Variants in CACHD1 observed in about 807,000 individuals in gnomAD.
CACHD1 encodes the protein cache domain containing 1.
Under a neutral mutation model 138.7 loss-of-function variants are expected in CACHD1, and 71 were observed. The observed-to-expected ratio is 0.51, with a 90% CI of 0.42 to 0.62. The LOEUF (loss-of-function observed/expected upper bound fraction) is 0.62, where lower values mean the gene tolerates loss of function less well. Among genes scored for constraint, CACHD1 ranks in the 20% least tolerant of loss-of-function variants. CACHD1 has a pLI of 0.00. For synonymous variants in CACHD1, 578 were observed against 591.5 expected, an observed-to-expected ratio of 0.98 and a Z score of 0.33; for missense variants, 1,389 against 1,625.3, an observed-to-expected ratio of 0.85 and a Z score of 2.50.
intron 1 of CACHD1, among the ~76,000 whole-genome samples, chr1:64,507,316 A>G (rs1446500362): frequency 6.6e-6 from 1 of 152,076 alleles, no homozygotes; most frequent in Non-Finnish European, 1.5e-5. Flanking sequence ...TGCCTGCCCC[A>G]CTATGTTATA....
At chr1:64,606,329 T>A (rs1332524540) in intron 4 of CACHD1, among the ~76,000 whole-genome samples, 1 of 151,938 alleles carries the variant, frequency 6.6e-6, no homozygotes, top group Admixed American at 6.6e-5. Context: ...TCTGAGTAAG[T>A]GGGATTGTAG....
chr1:64,637,479 C>T (rs964312447), intron 7 of CACHD1, among the ~76,000 whole-genome samples: 3 of 152,150 alleles, frequency 2.0e-5, no homozygotes, highest in Admixed American at 6.5e-5. Flanking sequence ...GACATTTGTT[C>T]CAGCTTTAAA....
intron 4 of CACHD1, among the ~76,000 whole-genome samples, chr1:64,619,380 T>C (rs1647827793): frequency 6.6e-6 from 1 of 152,172 alleles, no homozygotes; most frequent in African/African-American, 2.4e-5. Flanking sequence ...ATTACAAAAT[T>C]GTGGGGGTTT....
rs191511387 is a variant in CACHD1 at position 64,476,500 on chromosome 1, A to G, written c.198+5558A>G. 5.9e-5 allele frequency among the ~76,000 whole-genome samples: 9 copies of G among 152,372 alleles called. No homozygotes were observed. The East Asian group carries it at 1.7e-3, about 29-fold the overall frequency. ...GAAAAATCACCTGTATATGCAAATA[A>G]TGTGATTTGATTCTACGCCTTGTGT... On this transcript the variant is annotated intron_variant, in intron 1 of 26. Transcript: ENST00000651257.
intron 10 of CACHD1, among the ~76,000 whole-genome samples, 165 bp from the exon 11 acceptor site, chr1:64,653,593 G>A (rs570568825): frequency 2.0e-5 from 3 of 152,234 alleles, no homozygotes; most frequent in African/African-American, 7.2e-5. Flanking sequence ...AGAGTTTTAT[G>A]TAAGCACATA....
chr1:64,558,849 C>A (rs891900807), intron 2 of CACHD1, among the ~76,000 whole-genome samples: 1 of 152,194 alleles, frequency 6.6e-6, no homozygotes, highest in Non-Finnish European at 1.5e-5. Flanking sequence ...TGAACAGACA[C>A]TTCTCAAAAG....
chr1:64,650,320 T>G lies in CACHD1; in HGVS notation c.1391-1841T>G, dbSNP rs544637952. Among the ~76,000 whole-genome samples the G allele has an allele frequency of 2.0e-5, 3 of 152,324 alleles. No homozygotes were observed. In the South Asian group the frequency reaches 6.2e-4, roughly 32 times the overall value. On this transcript the variant is annotated intron_variant, in intron 9 of 26. Transcript: ENST00000651257. Reference sequence around the variant, plus strand: ...TGATCTATGAAAATGGCTTTAATCCTAGACTAAAGCTCAGGGGACTGTGGT... The same window carrying G: ...TGATCTATGAAAATGGCTTTAATCCGAGACTAAAGCTCAGGGGACTGTGGT...
intron 5 of CACHD1, among the ~76,000 whole-genome samples, chr1:64,630,786 T>C (rs2100637144): frequency 6.6e-6 from 1 of 152,318 alleles, no homozygotes; most frequent in Non-Finnish European, 1.5e-5. Context: ...ACGAAGCACC[T>C]GTGAAGAAAA....
intron 1 of CACHD1, among the ~76,000 whole-genome samples, chr1:64,545,808 T>G (rs1646713995): frequency 6.6e-6 from 1 of 152,208 alleles, no homozygotes; most frequent in South Asian, 2.1e-4. Context: ...CATGCATTAA[T>G]GAGAGAAAGG....
chr1:64,501,005 C>T (rs894504903), intron 1 of CACHD1, among the ~76,000 whole-genome samples: 1 of 149,934 alleles, frequency 6.7e-6, no homozygotes, highest in African/African-American at 2.5e-5. Context: ...GCCAGGATTG[C>T]ACCATTGCAC....
At chr1:64,539,359 A>G (rs1359542100) in intron 1 of CACHD1, among the ~76,000 whole-genome samples, 3 of 152,152 alleles carry the variant, frequency 2.0e-5, no homozygotes, top group Admixed American at 6.6e-5. Flanking sequence ...AATATTTACT[A>G]AGTGCCTACC....
intron 16 of CACHD1, among the ~76,000 whole-genome samples, chr1:64,670,222 GC>G (rs547515557): frequency 8.8e-4 from 134 of 152,146 alleles, no homozygotes; most frequent in African/African-American, 3.0e-3. Context: ...GATCACTTGA[GC>G]CCCCAGGAGC....
intron 2 of CACHD1, among the ~76,000 whole-genome samples, chr1:64,581,633 GGAATTGCCATTCACATGGAAGACTGA>G (rs1310199286): frequency 7.9e-5 from 12 of 152,206 alleles, no homozygotes; most frequent in Admixed American, 5.2e-4. Context: ...ACAACTCCAA[GGAATTGCCATTCACATGGAAGACTGA>G]GAATGGTGTC....
intron 4 of CACHD1, among the ~76,000 whole-genome samples, chr1:64,627,117 A>G (rs1027763432): frequency 6.6e-6 from 1 of 152,104 alleles, no homozygotes; most frequent in African/African-American, 2.4e-5. Context: ...TCTCAGATAA[A>G]ATCTCAGGGC....
intron 24 of CACHD1, among the ~76,000 whole-genome samples, chr1:64,680,715 G>C (rs2100736168): frequency 6.6e-6 from 1 of 152,278 alleles, no homozygotes; most frequent in South Asian, 2.1e-4. Flanking sequence ...TGGCCACTTA[G>C]CTCACTCTAA....
At chr1:64,575,136 T>C (rs1335864918) in intron 2 of CACHD1, among the ~76,000 whole-genome samples, 6 of 152,252 alleles carry the variant, frequency 3.9e-5, no homozygotes, top group Admixed American at 3.3e-4. Context: ...GTATTTGTCC[T>C]AGCCTTTGTA....
intron 2 of CACHD1, among the ~76,000 whole-genome samples, chr1:64,560,439 C>T (rs1161869490): frequency 6.6e-6 from 1 of 151,786 alleles, no homozygotes; most frequent in Non-Finnish European, 1.5e-5. Flanking sequence ...TCTGATTTCT[C>T]TTGTGATTTT....
At chr1:64,488,103 C>A (rs1399689221) in intron 1 of CACHD1, among the ~76,000 whole-genome samples, 1 of 152,104 alleles carries the variant, frequency 6.6e-6, no homozygotes, top group Non-Finnish European at 1.5e-5. Flanking sequence ...AGAATTGGTA[C>A]TTTTGGATGT....
intron 16 of CACHD1, among the ~76,000 whole-genome samples, chr1:64,671,356 C>T (rs1649809842): frequency 6.6e-6 from 1 of 152,060 alleles, no homozygotes; most frequent in Admixed American, 6.6e-5. Context: ...TTATACAGTC[C>T]TACATTAAGT....
Sources: allele counts gnomAD v4.1 joint callset (sites outside exome capture counted in the v4.1 genomes callset), GRCh38; gene constraint gnomAD v4.1.1; transcripts MANE v1.5; gene names NCBI Gene and HGNC (gene_info 2026-07-23, HGNC 2026-07-21).